Variants in SNTB1 observed in about 807,000 individuals in gnomAD.
The protein encoded by SNTB1 is syntrophin beta 1, also known as beta-1-syntrophin.
SNTB1 carries 36 observed loss-of-function variants against 48.9 expected under a neutral mutation model. The ratio of observed to expected loss-of-function variants is 0.74; its 90% confidence interval spans 0.56 to 0.97. The LOEUF (loss-of-function observed/expected upper bound fraction) is 0.97, where lower values mean the gene tolerates loss of function less well. Ranked by LOEUF, SNTB1 falls within the 50% of genes least tolerant of loss-of-function variation. The pLI is 0.00. For synonymous variants in SNTB1, 299 were observed against 294.6 expected, an observed-to-expected ratio of 1.01 and a Z score of -0.15; for missense variants, 786 against 703.4, an observed-to-expected ratio of 1.12 and a Z score of -1.33.
intron 3 of SNTB1, among the ~76,000 whole-genome samples, chr8:120,624,325 G>C (rs561315833): frequency 1.3e-5 from 2 of 152,280 alleles, no homozygotes; most frequent in African/African-American, 4.8e-5. Context: ...CACCTGGTGA[G>C]GACCTTCTTG....
In SNTB1 at chr8:120,799,842, T is replaced by C. The variant is rs542055080; in HGVS notation, c.571+11431A>G. 1.7e-3 allele frequency among the ~76,000 whole-genome samples: 262 copies of C among 152,144 alleles called. 1 individual carries two copies. Among genetic ancestry groups the C allele is most frequent in the Non-Finnish European group, 2.5e-3 (167 of 67,948 alleles). On this transcript the variant is annotated intron_variant, in intron 1 of 6. Coordinates refer to ENST00000517992, the MANE Select transcript of SNTB1 (RefSeq NM_021021.4). ...TTAAGTAATGAGGCCCAAACAACAG[T>C]AAGTATTTATGTCCTAAAAACTTGA...
At chr8:120,797,546 C>CTTTTTTTTTTTTTTTTTTTTTTTTT (rs60374035) in intron 1 of SNTB1, among the ~76,000 whole-genome samples, 1 of 69,088 alleles carries the variant, frequency 1.4e-5, no homozygotes, top group Non-Finnish European at 2.6e-5. Flanking sequence ...ACTTGTTTCT[C>CTTTTTTTTTTTTTTTTTTTTTTTTT]TTTTTTTTTT....
intron 2 of SNTB1, among the ~76,000 whole-genome samples, chr8:120,638,773 A>G (rs1236232064): frequency 4.6e-5 from 7 of 152,132 alleles, no homozygotes; most frequent in Non-Finnish European, 1.0e-4. Context: ...CATGGTGTAT[A>G]TGTGCCACAT....
intron 2 of SNTB1, among the ~76,000 whole-genome samples, chr8:120,649,814 G>T (rs572199955): frequency 6.6e-6 from 1 of 152,258 alleles, no homozygotes; most frequent in Non-Finnish European, 1.5e-5. Flanking sequence ...CTAGCAATCA[G>T]CGAGACTCCG....
intron 2 of SNTB1, among the ~76,000 whole-genome samples, chr8:120,650,455 A>C (rs1817394312): frequency 6.6e-6 from 1 of 152,138 alleles, no homozygotes; most frequent in Non-Finnish European, 1.5e-5. Flanking sequence ...TCAGCAACCT[A>C]CCTTCCCCCT....
intron 1 of SNTB1, among the ~76,000 whole-genome samples, chr8:120,727,828 C>T (rs1818786308): frequency 6.6e-6 from 1 of 152,124 alleles, no homozygotes; most frequent in Admixed American, 6.6e-5. Context: ...ACTCCAAGCC[C>T]TATGGTCTTT....
chr8:120,635,342 T>A (rs1255920342), intron 2 of SNTB1, among the ~76,000 whole-genome samples: 2 of 152,228 alleles, frequency 1.3e-5, no homozygotes, highest in Non-Finnish European at 2.9e-5. Context: ...TTTTCTTCTA[T>A]TTCTTGAAAA....
At chr8:120,717,113 C>T (rs1818571781) in intron 1 of SNTB1, among the ~76,000 whole-genome samples, 1 of 152,206 alleles carries the variant, frequency 6.6e-6, no homozygotes, top group Non-Finnish European at 1.5e-5. Context: ...TTCAGACTTC[C>T]TCTGCAAACT....
At chr8:120,565,799 C>G (rs1013979981) in intron 4 of SNTB1, among the ~76,000 whole-genome samples, 3 of 152,100 alleles carry the variant, frequency 2.0e-5, no homozygotes, top group South Asian at 2.1e-4. Flanking sequence ...CTGTGTCCCC[C>G]CAAAATTCAT....
chr8:120,783,380 T>C (rs1819862285), intron 1 of SNTB1, among the ~76,000 whole-genome samples: 1 of 152,152 alleles, frequency 6.6e-6, no homozygotes, highest in Admixed American at 6.5e-5. Context: ...AAAGTTATGT[T>C]ATACATGTAG....
chr8:120,758,755 T>G (rs760810885), intron 1 of SNTB1, among the ~76,000 whole-genome samples: 1 of 152,116 alleles, frequency 6.6e-6, no homozygotes, highest in Admixed American at 6.6e-5. Flanking sequence ...AACCTTAATA[T>G]ACTGTGGCCT....
At chr8:120,650,290 A>C (rs1049667326) in intron 2 of SNTB1, among the ~76,000 whole-genome samples, 5 of 152,214 alleles carry the variant, frequency 3.3e-5, no homozygotes, top group African/African-American at 1.2e-4. Context: ...AGGAGAGTTG[A>C]GAATGAGCCT....
chr8:120,732,244 T>C (rs1818865436), intron 1 of SNTB1, among the ~76,000 whole-genome samples: 1 of 152,214 alleles, frequency 6.6e-6, no homozygotes, highest in East Asian at 1.9e-4. Flanking sequence ...TTAACTCGAC[T>C]CATTTCTGCA....
At chr8:120,589,058 A>G (rs1006544227) in intron 3 of SNTB1, among the ~76,000 whole-genome samples, 11 of 152,186 alleles carry the variant, frequency 7.2e-5, no homozygotes, top group African/African-American at 2.7e-4. Flanking sequence ...TGCTATAAAT[A>G]GATTCTTGAA....
intron 1 of SNTB1, among the ~76,000 whole-genome samples, chr8:120,707,643 A>G (rs1818399749): frequency 6.6e-6 from 1 of 152,216 alleles, no homozygotes; most frequent in African/African-American, 2.4e-5. Flanking sequence ...ATAAACCCAT[A>G]GAAAAATTTA....
At chr8:120,785,193 C>A (rs1360386522) in intron 1 of SNTB1, among the ~76,000 whole-genome samples, 1 of 152,192 alleles carries the variant, frequency 6.6e-6, no homozygotes, top group Non-Finnish European at 1.5e-5. Context: ...AGGAATGAAA[C>A]CCTATGACCA....
chr8:120,784,464 G>A (rs767997395), intron 1 of SNTB1, among the ~76,000 whole-genome samples: 21 of 152,162 alleles, frequency 1.4e-4, no homozygotes, highest in Non-Finnish European at 2.4e-4. Flanking sequence ...ATAACCATGA[G>A]CCACTTCTCA....
chr8:120,694,012 A>G, intron 1 of SNTB1, 104 bp from the exon 2 acceptor site: 1 of 846,094 alleles, frequency 1.2e-6, no homozygotes, highest in Non-Finnish European at 1.9e-6. Flanking sequence ...AGCTCTTAAT[A>G]CTGAACTTCT....
intron 5 of SNTB1, among the ~76,000 whole-genome samples, chr8:120,545,198 G>A (rs1586986912): frequency 1.3e-5 from 2 of 152,192 alleles, no homozygotes; most frequent in Middle Eastern, 3.4e-3. Context: ...ACAAAAATTA[G>A]CCAGGCATGG....
Sources: allele counts gnomAD v4.1 joint callset (sites outside exome capture counted in the v4.1 genomes callset), GRCh38; gene constraint gnomAD v4.1.1; transcripts MANE v1.5; gene names NCBI Gene and HGNC (gene_info 2026-07-23, HGNC 2026-07-21).